SAMD4A: variants seen among roughly 807,000 people sequenced by gnomAD.
SAMD4A encodes the protein protein Smaug homolog 1.
Under a neutral mutation model 81.3 loss-of-function variants are expected in SAMD4A, and 33 were observed. The observed-to-expected ratio is 0.41, with a 90% CI of 0.31 to 0.54. The LOEUF (loss-of-function observed/expected upper bound fraction) is 0.54, where lower values mean the gene tolerates loss of function less well. Among genes scored for constraint, SAMD4A ranks in the 20% least tolerant of loss-of-function variants. The probability of loss-of-function intolerance (pLI) is 0.37; values close to 1 mark genes in which losing one functional copy is unlikely to be tolerated. For missense variants in SAMD4A, 854 were observed against 951.1 expected, an observed-to-expected ratio of 0.90 and a Z score of 1.34; for synonymous variants, 389 against 382.1, an observed-to-expected ratio of 1.02 and a Z score of -0.21.
At chr14:54,699,751 GT>G (rs2036665318) in intron 2 of SAMD4A, among the ~76,000 whole-genome samples, 1 of 152,048 alleles carries the variant, frequency 6.6e-6, no homozygotes, top group Admixed American at 6.5e-5. Flanking sequence ...TTTTATTACT[GT>G]TGGACAGTGC....
chr14:54,620,181 A>G (rs1363501592), intron 2 of SAMD4A, among the ~76,000 whole-genome samples: 1 of 152,192 alleles, frequency 6.6e-6, no homozygotes, highest in Non-Finnish European at 1.5e-5. Flanking sequence ...AGGCTTGGGA[A>G]TTTAACTACC....
At chr14:54,718,012 A>G (rs1395886537) in intron 3 of SAMD4A, among the ~76,000 whole-genome samples, 1 of 151,804 alleles carries the variant, frequency 6.6e-6, no homozygotes, top group Non-Finnish European at 1.5e-5. Context: ...CAGCTGCATA[A>G]TTTTTATTTG....
At chr14:54,744,858 T>C (rs2037928997) in intron 4 of SAMD4A, among the ~76,000 whole-genome samples, 1 of 152,218 alleles carries the variant, frequency 6.6e-6, no homozygotes, top group Non-Finnish European at 1.5e-5. Flanking sequence ...ACTGGTTGAC[T>C]TCTCCCCTTG....
chr14:54,566,702 G>C (rs1351340947), upstream of SAMD4A, among the ~76,000 whole-genome samples: 1 of 151,724 alleles, frequency 6.6e-6, no homozygotes, highest in African/African-American at 2.4e-5. Flanking sequence ...GCTCCGGGCC[G>C]GACAGACCAG....
At chr14:54,713,855 G>C (rs570440488) in intron 3 of SAMD4A, among the ~76,000 whole-genome samples, 11 of 152,302 alleles carry the variant, frequency 7.2e-5, no homozygotes, top group African/African-American at 2.6e-4. Context: ...TTTGAAGTCA[G>C]ACAAGTTGGT....
At chr14:54,680,762 C>A (rs1040481217) in intron 2 of SAMD4A, among the ~76,000 whole-genome samples, 1 of 152,116 alleles carries the variant, frequency 6.6e-6, no homozygotes, top group Non-Finnish European at 1.5e-5. Flanking sequence ...GTAAAAGAAA[C>A]CTCATGTTAA....
intron 2 of SAMD4A, among the ~76,000 whole-genome samples, chr14:54,643,984 A>G (rs2035231253): frequency 6.6e-6 from 1 of 152,220 alleles, no homozygotes; most frequent in African/African-American, 2.4e-5. Context: ...GGGACTCGGT[A>G]GAACAAATGC....
chr14:54,683,577 C>G (rs1394051676), intron 2 of SAMD4A, among the ~76,000 whole-genome samples: 1 of 152,176 alleles, frequency 6.6e-6, no homozygotes, highest in Non-Finnish European at 1.5e-5. Context: ...GAGTATACTC[C>G]TCTGTCTCCA....
intron 2 of SAMD4A, among the ~76,000 whole-genome samples, chr14:54,672,163 G>A (rs2035898954): frequency 6.6e-6 from 1 of 151,720 alleles, no homozygotes; most frequent in Non-Finnish European, 1.5e-5. Context: ...GGGTTCAAGC[G>A]ATTCTCCCAC....
chr14:54,776,146 A>G (rs905200812), intron 10 of SAMD4A, among the ~76,000 whole-genome samples: 2 of 152,244 alleles, frequency 1.3e-5, no homozygotes, highest in Non-Finnish European at 2.9e-5. Flanking sequence ...AAATGCGATA[A>G]AAAGAGTTCT....
intron 8 of SAMD4A, among the ~76,000 whole-genome samples, chr14:54,765,177 G>A (rs1233872788): frequency 1.3e-5 from 2 of 152,086 alleles, no homozygotes; most frequent in Non-Finnish European, 2.9e-5. Flanking sequence ...TAGGGAGAGG[G>A]AGTTGCACCT....
chr14:54,643,625 C>T lies in SAMD4A; in HGVS notation c.197-58437C>T, dbSNP rs184996696. ...TCCCTTTCAGCCGGTAGGCAAGAGT[C>T]GGTATGCTCTTTGAAGTTTTGCGGT... On this transcript the variant is annotated intron_variant, in intron 2 of 12. Coordinates refer to ENST00000554335, the MANE Select transcript of SAMD4A (RefSeq NM_015589.6). 3.9e-4 allele frequency among the ~76,000 whole-genome samples: 59 copies of T among 152,274 alleles called. No individual in the cohort carries two copies. In the East Asian group the frequency reaches 7.9e-3, roughly 20 times the overall value.
chr14:54,631,710 C>G (rs1305617217), intron 2 of SAMD4A, among the ~76,000 whole-genome samples: 1 of 152,178 alleles, frequency 6.6e-6, no homozygotes, highest in African/African-American at 2.4e-5. Flanking sequence ...CTAAATCTCT[C>G]CTGCTTTTTA....
intron 3 of SAMD4A, among the ~76,000 whole-genome samples, chr14:54,729,941 G>A (rs1421705144): frequency 1.3e-5 from 2 of 152,142 alleles, no homozygotes; most frequent in Non-Finnish European, 2.9e-5. Context: ...ACAATGTAAA[G>A]TCAAACAGCC....
chr14:54,606,356 G>A (rs1413330868), intron 2 of SAMD4A, among the ~76,000 whole-genome samples: 1 of 152,334 alleles, frequency 6.6e-6, no homozygotes, highest in African/African-American at 2.4e-5. Flanking sequence ...GATTCGTATG[G>A]CATTGATGTT....
chr14:54,570,851 T>C (rs2033108482), intron 2 of SAMD4A, among the ~76,000 whole-genome samples: 1 of 152,194 alleles, frequency 6.6e-6, no homozygotes, highest in African/African-American at 2.4e-5. Context: ...TTCAGAAAAC[T>C]AGGCTGTGCA....
intron 11 of SAMD4A, among the ~76,000 whole-genome samples, chr14:54,781,405 C>T (rs374715936): frequency 2.0e-5 from 3 of 152,336 alleles, no homozygotes; most frequent in East Asian, 3.9e-4. Context: ...ATCTTCTTGA[C>T]CCTGGGCCTG....
chr14:54,629,050 A>T (rs1215093182), intron 2 of SAMD4A, among the ~76,000 whole-genome samples: 1 of 151,302 alleles, frequency 6.6e-6, no homozygotes, highest in Non-Finnish European at 1.5e-5. Flanking sequence ...GACAAGTTAA[A>T]ATGAAGTTAT....
At chr14:54,739,504 A>G (rs896994050) in intron 4 of SAMD4A, among the ~76,000 whole-genome samples, 1 of 139,166 alleles carries the variant, frequency 7.2e-6, no homozygotes, top group Non-Finnish European at 1.6e-5. Flanking sequence ...TAAAGTCAAT[A>G]GCAAGTTAAA....
Sources: gnomAD v4.1 joint callset for allele counts (sites outside exome capture counted in the v4.1 genomes callset) on GRCh38, gnomAD v4.1.1 for gene constraint, MANE v1.5 for transcripts, NCBI Gene and HGNC (gene_info 2026-07-23, HGNC 2026-07-21) for gene names.